Variants in KIRREL1 observed in about 807,000 individuals in gnomAD.
KIRREL1 encodes the protein kin of IRRE-like protein 1.
In KIRREL1, 25 loss-of-function variants were observed where a neutral mutation model predicts 83.3. The ratio of observed to expected loss-of-function variants is 0.30; its 90% confidence interval spans 0.22 to 0.42. The LOEUF is 0.42. Ranked by LOEUF, KIRREL1 falls within the 10% of genes least tolerant of loss-of-function variation. KIRREL1 has a pLI of 1.00. For synonymous variants in KIRREL1, 388 were observed against 410.4 expected (o/e 0.95, Z 0.66); for missense variants, 812 against 1,032.3 (o/e 0.79, Z 2.92).
chr1:158,052,623 CAA>C (rs34175701), intron 1 of KIRREL1, among the ~76,000 whole-genome samples: 12 of 131,868 alleles, frequency 9.1e-5, no homozygotes, highest in Admixed American at 2.3e-4. Context: ...ACTAAAAATA[CAA>C]AAAAAAAAAA....
rs367642098 is a variant in KIRREL1, at chr1:158,061,271, T to C, written c.53-14842T>C. 6.6e-5 allele frequency among the ~76,000 whole-genome samples: 10 copies of C among 152,234 alleles called. No individual in the cohort carries two copies. The East Asian group carries it at 1.3e-3, about 21-fold the overall frequency. On this transcript the variant is annotated intron_variant, in intron 1 of 14. Coordinates refer to ENST00000359209, the MANE Select transcript of KIRREL1 (RefSeq NM_018240.7). Reference sequence around the variant, plus strand: ...ATGAGGTGCTAAATTTGTTGTGAGATAGGTGTCACAAGCAATCAAAACGAG... The same window carrying C: ...ATGAGGTGCTAAATTTGTTGTGAGACAGGTGTCACAAGCAATCAAAACGAG...
chr1:158,091,855 G>A (rs1662206078), intron 11 of KIRREL1, among the ~76,000 whole-genome samples: 2 of 152,232 alleles, frequency 1.3e-5, no homozygotes, highest in South Asian at 4.1e-4. Context: ...TCGTTAAAGT[G>A]TACTGAGCAT....
intron 1 of KIRREL1, among the ~76,000 whole-genome samples, chr1:158,005,091 A>G (rs75633369): frequency 0.024 from 3,690 of 152,326 alleles, 169 homozygotes; most frequent in African/African-American, 0.084. Context: ...GTCTGGGGTC[A>G]GATGGAAGTT....
chr1:158,035,585 G>A (rs953113946), intron 1 of KIRREL1, among the ~76,000 whole-genome samples: 2 of 152,168 alleles, frequency 1.3e-5, no homozygotes, highest in African/African-American at 4.8e-5. Flanking sequence ...ATGGAGCCCT[G>A]TTAAATAAGA....
intron 1 of KIRREL1, among the ~76,000 whole-genome samples, chr1:158,020,600 C>CAAATAAAAAAAAAA (rs1659978311): frequency 1.2e-5 from 1 of 83,678 alleles, no homozygotes; most frequent in Non-Finnish European, 2.1e-5. Context: ...TACAGTAAAT[C>CAAATAAAAAAAAAA]AAAAAAAAAA....
At chr1:158,071,664 T>C (rs1661519407) in intron 1 of KIRREL1, among the ~76,000 whole-genome samples, 1 of 151,946 alleles carries the variant, frequency 6.6e-6, no homozygotes, top group South Asian at 2.1e-4. Flanking sequence ...CCACCCCACA[T>C]AGAGCAGTTT....
At chr1:158,048,631 T>C (rs1427190674) in intron 1 of KIRREL1, among the ~76,000 whole-genome samples, 2 of 152,092 alleles carry the variant, frequency 1.3e-5, no homozygotes, top group African/African-American at 4.8e-5. Context: ...GTGAAACACC[T>C]ACGAAGGAAA....
intron 1 of KIRREL1, among the ~76,000 whole-genome samples, chr1:158,056,651 C>A (rs1236368553): frequency 6.6e-6 from 1 of 152,200 alleles, no homozygotes; most frequent in Non-Finnish European, 1.5e-5. Flanking sequence ...ACAATAATTC[C>A]CCTGCTTGGA....
At chr1:158,047,169 A>C (rs1330134307) in intron 1 of KIRREL1, among the ~76,000 whole-genome samples, 2 of 152,264 alleles carry the variant, frequency 1.3e-5, no homozygotes, top group Non-Finnish European at 2.9e-5. Context: ...ATTGTAGCAC[A>C]GCCTAAATAA....
chr1:158,074,623 C>A (rs190047059), intron 1 of KIRREL1, among the ~76,000 whole-genome samples: 1 of 152,086 alleles, frequency 6.6e-6, no homozygotes, highest in Non-Finnish European at 1.5e-5. Flanking sequence ...GGCCGAGTGA[C>A]GCGACCGGTT....
chr1:158,024,940 C>G (rs536228681), intron 1 of KIRREL1, among the ~76,000 whole-genome samples: 1 of 152,194 alleles, frequency 6.6e-6, no homozygotes, highest in Non-Finnish European at 1.5e-5. Context: ...TCCTCCCTTC[C>G]GATTTCTTCA....
At chr1:158,049,730 G>C (rs1441561041) in intron 1 of KIRREL1, among the ~76,000 whole-genome samples, 1 of 152,156 alleles carries the variant, frequency 6.6e-6, no homozygotes, top group African/African-American at 2.4e-5. Context: ...CAAAGCGACA[G>C]GGTGGAGAGG....
chr1:158,082,760 G>A (rs1338332418), intron 3 of KIRREL1, among the ~76,000 whole-genome samples: 13 of 152,146 alleles, frequency 8.5e-5, no homozygotes. Context: ...TTGAGCCCAG[G>A]AGTTTCAGAC....
At chr1:158,012,462 T>C (rs941151938) in intron 1 of KIRREL1, among the ~76,000 whole-genome samples, 2 of 152,208 alleles carry the variant, frequency 1.3e-5, no homozygotes, top group African/African-American at 4.8e-5. Context: ...ATTACCTGCA[T>C]AGAATGTGTG....
chr1:158,075,375 C>T (rs887047609), intron 1 of KIRREL1, among the ~76,000 whole-genome samples: 3 of 152,290 alleles, frequency 2.0e-5, no homozygotes, highest in South Asian at 2.1e-4. Flanking sequence ...GTGAAGGAGG[C>T]GGGGTGTGTG....
chr1:158,048,535 G>A (rs1416481903), intron 1 of KIRREL1, among the ~76,000 whole-genome samples: 1 of 152,234 alleles, frequency 6.6e-6, no homozygotes, highest in Non-Finnish European at 1.5e-5. Flanking sequence ...CTTGCCCACA[G>A]TGAACTCACA....
At chr1:158,075,391 G>A (rs1212091023) in intron 1 of KIRREL1, among the ~76,000 whole-genome samples, 1 of 152,226 alleles carries the variant, frequency 6.6e-6, no homozygotes, top group African/African-American at 2.4e-5. Flanking sequence ...GTGTGCAGGT[G>A]TGTTCATGTG....
intron 1 of KIRREL1, among the ~76,000 whole-genome samples, chr1:158,060,159 C>CCCTTCCCCTTT (rs1344403764): frequency 3.3e-5 from 5 of 152,122 alleles, no homozygotes. Context: ...GGTGATCAGC[C>CCCTTCCCCTTT]CCTTCCCCTT....
intron 1 of KIRREL1, among the ~76,000 whole-genome samples, chr1:158,002,533 C>T (rs546459618): frequency 2.0e-5 from 3 of 152,308 alleles, no homozygotes; most frequent in East Asian, 1.9e-4. Context: ...ATGTGTTCAA[C>T]TTATGAGCAT....
Sources: allele counts gnomAD v4.1 joint callset (sites outside exome capture counted in the v4.1 genomes callset), GRCh38; gene constraint gnomAD v4.1.1; transcripts MANE v1.5; gene names NCBI Gene and HGNC (gene_info 2026-07-23, HGNC 2026-07-21).